Variants in MGAT4C observed in about 807,000 individuals in gnomAD.
The protein encoded by MGAT4C is MGAT4 family member C.
A neutral mutation model predicts 40.1 loss-of-function variants in MGAT4C; 19 were observed. The observed-to-expected ratio is 0.47, with a 90% confidence interval of 0.33 to 0.70. MGAT4C has a LOEUF of 0.70. MGAT4C is among the 30% of genes least tolerant of loss of function. MGAT4C has a pLI of 0.02. For synonymous variants in MGAT4C, 181 were observed against 187.1 expected (o/e 0.97, Z 0.27); for missense variants, 491 against 563.2 (o/e 0.87, Z 1.30).
chr12:86,431,180 C>T (rs1287438868), intron 3 of MGAT4C, among the ~76,000 whole-genome samples: 1 of 152,084 alleles, frequency 6.6e-6, no homozygotes, highest in African/African-American at 2.4e-5. Flanking sequence ...CTCTGTACTG[C>T]AGGTTGGCAA....
intron 4 of MGAT4C, among the ~76,000 whole-genome samples, chr12:86,304,001 A>G (rs752578663): frequency 6.7e-6 from 1 of 150,348 alleles, no homozygotes; most frequent in Non-Finnish European, 1.5e-5. Flanking sequence ...GTAAAGCTTG[A>G]GTTGATAATA....
chr12:86,363,024 TAAC>T (rs1955516042), intron 3 of MGAT4C, among the ~76,000 whole-genome samples: 1 of 152,100 alleles, frequency 6.6e-6, no homozygotes, highest in Non-Finnish European at 1.5e-5. Context: ...TGCATGGATC[TAAC>T]AACAGAACTT....
intron 2 of MGAT4C, among the ~76,000 whole-genome samples, chr12:86,604,185 T>A (rs557753996): frequency 6.6e-6 from 1 of 151,880 alleles, no homozygotes; most frequent in East Asian, 1.9e-4. Flanking sequence ...CCTGGGAGAA[T>A]GGAAATAATG....
intron 1 of MGAT4C, among the ~76,000 whole-genome samples, chr12:86,203,394 A>G (rs1295630239): frequency 6.6e-6 from 1 of 152,130 alleles, no homozygotes. Context: ...GCTATTGTCT[A>G]CAAGGTAACA....
chr12:86,482,713 T>C (rs1957957402), intron 2 of MGAT4C, among the ~76,000 whole-genome samples: 1 of 152,156 alleles, frequency 6.6e-6, no homozygotes, highest in Admixed American at 6.6e-5. Context: ...AAGTCTATTT[T>C]CCTGGGTGAA....
At chr12:86,082,345 T>C (rs1870989193) in intron 1 of MGAT4C, among the ~76,000 whole-genome samples, 1 of 152,186 alleles carries the variant, frequency 6.6e-6, no homozygotes, top group Admixed American at 6.5e-5. Context: ...CTTTTTAGCA[T>C]TGCTGTGTCT....
chr12:86,429,625 T>C (rs890940435), intron 3 of MGAT4C, among the ~76,000 whole-genome samples: 1 of 152,188 alleles, frequency 6.6e-6, no homozygotes, highest in African/African-American at 2.4e-5. Context: ...GCTTGAAGAC[T>C]TTCTGTTGAG....
chr12:86,131,441 G>C (rs1295071853), intron 1 of MGAT4C, among the ~76,000 whole-genome samples: 3 of 151,970 alleles, frequency 2.0e-5, no homozygotes, highest in Non-Finnish European at 4.4e-5. Context: ...CATATTTCTT[G>C]AAGTACAAGG....
intron 2 of MGAT4C, among the ~76,000 whole-genome samples, chr12:86,014,215 T>A (rs1888823235): frequency 1.3e-5 from 2 of 152,150 alleles, no homozygotes; most frequent in Non-Finnish European, 2.9e-5. Context: ...CGGTTAATAC[T>A]TCCTTTAATT....
intron 2 of MGAT4C, among the ~76,000 whole-genome samples, chr12:86,612,967 G>A (rs1401025787): frequency 6.6e-6 from 1 of 151,934 alleles, no homozygotes; most frequent in Non-Finnish European, 1.5e-5. Flanking sequence ...TGAATCAATG[G>A]CATTTACACT....
chr12:86,616,166 T>C (rs558673075), intron 2 of MGAT4C, among the ~76,000 whole-genome samples: 1 of 152,248 alleles, frequency 6.6e-6, no homozygotes, highest in South Asian at 2.1e-4. Flanking sequence ...ATTTAGAGTA[T>C]AGCATCCATA....
intron 1 of MGAT4C, among the ~76,000 whole-genome samples, chr12:86,163,671 CA>C (rs1428377718): frequency 6.6e-6 from 1 of 152,090 alleles, no homozygotes; most frequent in East Asian, 1.9e-4. Context: ...TCATTCTCTA[CA>C]TAAGAATGCT....
intron 1 of MGAT4C, among the ~76,000 whole-genome samples, chr12:86,050,471 T>C (rs1892798166): frequency 6.6e-6 from 1 of 152,094 alleles, no homozygotes. Context: ...CCACTATACA[T>C]AAACACATAT....
At chr12:86,281,710 A>G (rs1953223391) in intron 4 of MGAT4C, among the ~76,000 whole-genome samples, 1 of 151,968 alleles carries the variant, frequency 6.6e-6, no homozygotes, top group Admixed American at 6.6e-5. Context: ...AACTTTTATA[A>G]TGTATTATTG....
intron 1 of MGAT4C, among the ~76,000 whole-genome samples, chr12:86,176,769 G>A (rs184525158): frequency 2.7e-5 from 4 of 149,200 alleles, no homozygotes; most frequent in Non-Finnish European, 4.5e-5. Flanking sequence ...ATTATATAGT[G>A]TGTTCTATAT....
intron 3 of MGAT4C, among the ~76,000 whole-genome samples, chr12:86,425,399 C>G (rs1956907092): frequency 6.6e-6 from 1 of 152,114 alleles, no homozygotes; most frequent in African/African-American, 2.4e-5. Context: ...CTTCCTCGCT[C>G]TTGCTCTCTT....
intron 4 of MGAT4C, among the ~76,000 whole-genome samples, chr12:86,312,457 T>C (rs1178145710): frequency 6.6e-6 from 1 of 152,204 alleles, no homozygotes; most frequent in Non-Finnish European, 1.5e-5. Context: ...CTCAGACAGA[T>C]CACATTCAAA....
At chr12:86,581,476 A>G (rs1452811352) in intron 2 of MGAT4C, among the ~76,000 whole-genome samples, 1 of 151,404 alleles carries the variant, frequency 6.6e-6, no homozygotes, top group Non-Finnish European at 1.5e-5. Flanking sequence ...TGCAGCTGAG[A>G]GTTAACGAAC....
chr12:86,206,264 A>C (rs1950247617), intron 1 of MGAT4C, among the ~76,000 whole-genome samples: 1 of 152,182 alleles, frequency 6.6e-6, no homozygotes, highest in African/African-American at 2.4e-5. Context: ...TGAAATAATA[A>C]GGACAGAGAA....
Sources: allele counts gnomAD v4.1 joint callset (sites outside exome capture counted in the v4.1 genomes callset), GRCh38; gene constraint gnomAD v4.1.1; transcripts MANE v1.5; gene names NCBI Gene and HGNC (gene_info 2026-07-23, HGNC 2026-07-21).